Variants in ZNF112 observed in about 807,000 individuals in gnomAD.
ZNF112 encodes zinc finger protein 112, also known as zinc finger protein 112 (Y14).
In ZNF112, 37 loss-of-function variants were observed where a neutral mutation model predicts 77.7. The ratio of observed to expected loss-of-function variants is 0.48; its 90% CI spans 0.37 to 0.63. The LOEUF (loss-of-function observed/expected upper bound fraction) is 0.63. ZNF112 is among the 20% of genes least tolerant of loss of function. The pLI, the probability that ZNF112 is intolerant of heterozygous loss-of-function variation, is 0.00. For synonymous variants in ZNF112, 333 were observed against 363.6 expected, an observed-to-expected ratio of 0.92 and a Z score of 0.96; for missense variants, 950 against 1,077.4, an observed-to-expected ratio of 0.88 and a Z score of 1.66.
At chr19:44,357,485 T>C (rs1235669759), upstream of ZNF112, among the ~76,000 whole-genome samples, 5 of 152,202 alleles carry the variant, frequency 3.3e-5, no homozygotes, top group African/African-American at 9.7e-5. Context: ...CATTTTGGTG[T>C]GGACGCGTCT....
At chr19:44,343,288 G>C in intron 1 of ZNF112, 2 of 1,612,594 alleles carry the variant, frequency 1.2e-6, no homozygotes, top group Non-Finnish European at 8.5e-7. Context: ...TCTTTTTCTA[G>C]AGAAAGGCAG....
intron 1 of ZNF112, among the ~76,000 whole-genome samples, chr19:44,342,818 A>AG (rs1220566165): frequency 6.6e-6 from 1 of 151,808 alleles, no homozygotes; most frequent in African/African-American, 2.4e-5. Flanking sequence ...CCATCTCAAA[A>AG]AAAAAAAAGA....
In ZNF112 at chr19:44,328,974, A is replaced by G; in HGVS notation, c.1183T>C (p.Cys395Arg). ...ENENVFNQSSCLQVHQKIHTE... is the reference protein window; with the variant it reads ...ENENVFNQSSRLQVHQKIHTE... ...TGGATTTTTTGATGGACTTGAAGAC[A>G]TGAACTCTGATTAAAGACATTCTCA... The change falls in exon 4 of 4, where the codon TGT becomes CGT. Residue 395 changes from cysteine to arginine, a missense_variant. Transcript: ENST00000354340. The G allele has an allele frequency of 6.2e-7, 1 of 1,614,006 alleles. No homozygotes were observed. The highest frequency in any genetic ancestry group is 8.5e-7 in the Non-Finnish European group (1 of 1,179,972).
At chr19:44,355,009 A>G (rs1175955680) in intron 1 of ZNF112, among the ~76,000 whole-genome samples, 1 of 152,192 alleles carries the variant, frequency 6.6e-6, no homozygotes, top group African/African-American at 2.4e-5. Context: ...AATTATGACA[A>G]TCAATCAAAC....
intron 1 of ZNF112, among the ~76,000 whole-genome samples, chr19:44,362,489 T>A (rs1160169108): frequency 6.6e-6 from 1 of 152,034 alleles, no homozygotes; most frequent in African/African-American, 2.4e-5. Flanking sequence ...AGATTGATCC[T>A]TCTATGGTCA....
intron 1 of ZNF112, chr19:44,341,017 C>A: frequency 2.5e-6 from 1 of 396,114 alleles, no homozygotes; most frequent in African/African-American, 2.1e-5. Flanking sequence ...TGGAGCCTGA[C>A]TGCCTGTGTC....
At chr19:44,357,987 C>CA (rs1392788230), upstream of ZNF112, among the ~76,000 whole-genome samples, 5 of 151,856 alleles carry the variant, frequency 3.3e-5, no homozygotes, top group Non-Finnish European at 2.9e-5. Context: ...CCCGTCTCTA[C>CA]AAAAAATACA....
chr19:44,344,680 G>C (rs1286187520), intron 1 of ZNF112, among the ~76,000 whole-genome samples: 1 of 152,240 alleles, frequency 6.6e-6, no homozygotes, highest in Non-Finnish European at 1.5e-5. Flanking sequence ...CTTTGAGAGA[G>C]CATGGAAGGG....
intron 3 of ZNF112, among the ~76,000 whole-genome samples, chr19:44,334,424 C>T (rs1313240100): frequency 6.6e-6 from 1 of 152,174 alleles, no homozygotes; most frequent in African/African-American, 2.4e-5. Context: ...AAAGAAAAAC[C>T]AATTTTCTGG....
chr19:44,352,804 T>C (rs1970716616), intron 1 of ZNF112, among the ~76,000 whole-genome samples: 1 of 152,092 alleles, frequency 6.6e-6, no homozygotes, highest in Admixed American at 6.5e-5. Context: ...AAAACATGTA[T>C]AGATCTGTAT....
intron 1 of ZNF112, among the ~76,000 whole-genome samples, chr19:44,354,749 C>T (rs1169538767): frequency 6.6e-6 from 1 of 152,086 alleles, no homozygotes; most frequent in African/African-American, 2.4e-5. Context: ...AATAGAAGAA[C>T]TTTCAGTGTA....
Position 44,329,748 on chromosome 19 carries a change from C to G in ZNF112, c.409G>C (p.Val137Leu). 1 of 1,614,032 alleles carries G rather than the reference C, an allele frequency of 6.2e-7. No homozygotes were observed. Among genetic ancestry groups the G allele is most frequent in the Non-Finnish European group, 8.5e-7 (1 of 1,180,004 alleles). Residue 137 changes from valine (V) to leucine (L), a missense_variant, in exon 4 of 4, where the codon GTT becomes CTT. Physicochemically the swap from Val to Leu is conservative, Grantham distance 32. Transcript: ENST00000354340. Reference protein sequence around the residue: ...LQEQGNSLGQVWAGIPVQISE... With the variant: ...LQEQGNSLGQLWAGIPVQISE... Reference sequence around the variant, plus strand: ...ATCTGAACTGGTATTCCTGCCCAAACCTGGCCGAGGGAATTACCTTGTTCT... The same window carrying G: ...ATCTGAACTGGTATTCCTGCCCAAAGCTGGCCGAGGGAATTACCTTGTTCT...
intron 3 of ZNF112, among the ~76,000 whole-genome samples, chr19:44,335,841 T>C (rs1456088530): frequency 6.6e-6 from 1 of 152,242 alleles, no homozygotes; most frequent in African/African-American, 2.4e-5. Flanking sequence ...AGCAGCATCC[T>C]TAGCTACACA....
At chr19:44,342,194 TATAG>T (rs1397428340) in intron 1 of ZNF112, among the ~76,000 whole-genome samples, 13 of 152,160 alleles carry the variant, frequency 8.5e-5, no homozygotes, top group African/African-American at 2.4e-4. Flanking sequence ...TACAAACATA[TATAG>T]ATAAACACAT....
At chr19:44,335,145 G>A (rs1970343004) in intron 3 of ZNF112, among the ~76,000 whole-genome samples, 1 of 152,264 alleles carries the variant, frequency 6.6e-6, no homozygotes, top group South Asian at 2.1e-4. Flanking sequence ...ATGCCTGGAT[G>A]TGAGACATGG....
intron 1 of ZNF112, among the ~76,000 whole-genome samples, chr19:44,352,253 A>T (rs996803915): frequency 6.6e-6 from 1 of 152,132 alleles, no homozygotes; most frequent in East Asian, 1.9e-4. Flanking sequence ...TAAAAAATAA[A>T]TGTTAAAAAA....
intron 2 of ZNF112, among the ~76,000 whole-genome samples, chr19:44,337,636 CT>C (rs1310104902): frequency 6.7e-6 from 1 of 149,510 alleles, no homozygotes; most frequent in African/African-American, 2.5e-5. Context: ...TGCATTCTTC[CT>C]TTCAACGCAT....
upstream of ZNF112, among the ~76,000 whole-genome samples, chr19:44,360,171 GCTTGAAC>G (rs1178291564): frequency 1.3e-5 from 2 of 150,822 alleles, no homozygotes; most frequent in African/African-American, 4.9e-5. Context: ...TGGGAGAATC[GCTTGAAC>G]CTGGGAGATG....
intron 1 of ZNF112, among the ~76,000 whole-genome samples, chr19:44,362,272 G>GGAGGAA (rs2123229344): frequency 6.6e-6 from 1 of 152,130 alleles, no homozygotes; most frequent in East Asian, 1.9e-4. Context: ...AGAAGTAGGA[G>GGAGGAA]GAGGAAGAGT....
Sources: allele counts gnomAD v4.1 joint callset (sites outside exome capture counted in the v4.1 genomes callset), GRCh38; gene constraint gnomAD v4.1.1; transcripts MANE v1.5; gene names NCBI Gene and HGNC (gene_info 2026-07-23, HGNC 2026-07-21).